The following RPTOR variants were observed in gnomAD, a reference collection of about 807,000 sequenced individuals.
The protein encoded by RPTOR is regulatory associated protein of MTOR complex 1, also known as regulatory-associated protein of mTOR.
A neutral mutation model predicts 169.9 loss-of-function variants in RPTOR; 21 were observed. The observed-to-expected ratio is 0.12, with a 90% confidence interval of 0.09 to 0.18. The LOEUF (loss-of-function observed/expected upper bound fraction) is 0.18, where lower values mean the gene tolerates loss of function less well. RPTOR is among the 10% of genes least tolerant of loss of function. RPTOR has a pLI of 1.00. For synonymous variants in RPTOR, 732 were observed against 753.2 expected (o/e 0.97, Z 0.46); for missense variants, 1,133 against 1,855.9 (o/e 0.61, Z 7.16).
chr17:80,915,823 G>A (rs55915968), intron 21 of RPTOR, among the ~76,000 whole-genome samples: 142 of 95,708 alleles, frequency 1.5e-3, no homozygotes, highest in East Asian at 2.4e-3. Flanking sequence ...AACCAGCTGC[G>A]GAGAGGAGTT....
intron 7 of RPTOR, among the ~76,000 whole-genome samples, chr17:80,816,514 C>T (rs1468320054): frequency 6.6e-6 from 1 of 152,218 alleles, no homozygotes; most frequent in African/African-American, 2.4e-5. Flanking sequence ...AGGGAAGCGC[C>T]TTGTCGTGAG....
Position 80,890,603 on chromosome 17 carries a change from C to T in RPTOR, c.1984-1117C>T, listed in dbSNP as rs1052980880. The stretch of plus-strand genomic sequence containing the variant: ...AGCAGTGAGAGACTTGCAGTTCCAT[C>T]GGCGCAAATCAAGAGGGCGCTGCAG... On this transcript the variant is annotated intron_variant, in intron 17 of 33. Coordinates refer to ENST00000306801, the MANE Select transcript of RPTOR (RefSeq NM_020761.3). Among the ~76,000 whole-genome samples the T allele has an allele frequency of 3.3e-5, 5 of 152,188 alleles. No individual in the cohort carries two copies. The South Asian group carries it at 6.2e-4, about 19-fold the overall frequency.
intron 13 of RPTOR, among the ~76,000 whole-genome samples, chr17:80,867,438 T>TA (rs2068005779): frequency 6.6e-6 from 1 of 152,102 alleles, no homozygotes; most frequent in Admixed American, 6.5e-5. Context: ...TCCACAAACT[T>TA]ACAGCCAACA....
intron 1 of RPTOR, among the ~76,000 whole-genome samples, chr17:80,614,913 A>G (rs1182195364): frequency 6.6e-6 from 1 of 152,112 alleles, no homozygotes; most frequent in Admixed American, 6.5e-5. Context: ...CAGTGTTGCT[A>G]TTTGTTATTT....
rs2067904548 is a variant in RPTOR at position 80,860,364 on chromosome 17, A to C, written c.1509+2464A>C. On this transcript the variant is annotated intron_variant, in intron 13 of 33. Transcript: ENST00000306801. The surrounding 1 kb of genome is among the most constrained non-coding windows in gnomAD (Gnocchi z 5.8). ...CCCGCACTGTGCGCTCTCACCCGTC[A>C]GCCCTGCACACCCCACACAAAGCCA... Among the ~76,000 whole-genome samples, 1 of 152,170 alleles carries C rather than the reference A, an allele frequency of 6.6e-6. No individual in the cohort carries two copies. The highest frequency in any genetic ancestry group is 2.1e-4 in the South Asian group (1 of 4,832).
chr17:80,782,473 A>G (rs1426398933), intron 6 of RPTOR, among the ~76,000 whole-genome samples: 4 of 152,212 alleles, frequency 2.6e-5, no homozygotes, highest in African/African-American at 9.6e-5. Context: ...GAATAAGAAT[A>G]GGTGAGGACC....
chr17:80,650,960 A>G (rs922082179), intron 3 of RPTOR, among the ~76,000 whole-genome samples: 4 of 152,158 alleles, frequency 2.6e-5, no homozygotes, highest in African/African-American at 4.8e-5. Context: ...CCTCTCGAGG[A>G]TATTATCTCT....
chr17:80,859,782 C>T (rs1246567496), intron 13 of RPTOR, among the ~76,000 whole-genome samples: 1 of 152,242 alleles, frequency 6.6e-6, no homozygotes, highest in African/African-American at 2.4e-5. Context: ...GGCGCCCTGT[C>T]AGGCGGCTTT....
At chr17:80,588,973 C>A (rs920219122) in intron 1 of RPTOR, among the ~76,000 whole-genome samples, 6 of 152,128 alleles carry the variant, frequency 3.9e-5, no homozygotes, top group Non-Finnish European at 5.9e-5. Flanking sequence ...TATTTTCCAA[C>A]CTTAAGGTCA....
chr17:80,587,523 G>C (rs1314346102), intron 1 of RPTOR, among the ~76,000 whole-genome samples: 1 of 152,190 alleles, frequency 6.6e-6, no homozygotes, highest in East Asian at 1.9e-4. Flanking sequence ...GAGTGGAATT[G>C]CGTAGTAATC....
chr17:80,864,443 A>C (rs911698602), intron 13 of RPTOR, among the ~76,000 whole-genome samples: 2 of 151,736 alleles, frequency 1.3e-5, no homozygotes, highest in African/African-American at 2.4e-5. Context: ...TTTCTCACAG[A>C]TTTCCTACAG....
intron 9 of RPTOR, among the ~76,000 whole-genome samples, chr17:80,824,078 G>C (rs1357290650): frequency 1.3e-5 from 2 of 152,092 alleles, no homozygotes; most frequent in African/African-American, 4.8e-5. Context: ...CTCAACCCTG[G>C]AAACCCAGAG....
At position 80,730,587 on chromosome 17, in the gene RPTOR, A is replaced by G; in HGVS notation, c.535A>G (p.Ile179Val). The part of the protein sequence containing the change: ...KNYTQYIPLS[I>V]YDLQTWMGSP... ...CTACACGCAGTACATCCCTCTGTCC[A>G]TATATGACCTGCAGACGTGGATGGG... Residue 179 changes from isoleucine to valine, a missense_variant, in exon 5 of 34, where the codon ATA becomes GTA. Physicochemically the swap from Ile to Val is conservative, Grantham distance 29. This residue lies in a region of RPTOR where 74 missense variants were observed against 168.3 expected (regional missense o/e 0.44). Coordinates refer to ENST00000306801, the MANE Select transcript of RPTOR (RefSeq NM_020761.3). The surrounding 1 kb of genome is among the most constrained non-coding windows in gnomAD (Gnocchi z 4.2). 2 of 1,614,158 alleles carry G rather than the reference A, an allele frequency of 1.2e-6. No individual in the cohort carries two copies. Among genetic ancestry groups the G allele is most frequent in the Non-Finnish European group, 1.7e-6 (2 of 1,180,026 alleles).
At chr17:80,582,092 C>A (rs1397606243) in intron 1 of RPTOR, among the ~76,000 whole-genome samples, 2 of 152,194 alleles carry the variant, frequency 1.3e-5, no homozygotes, top group Non-Finnish European at 2.9e-5. Flanking sequence ...TGCCATGGGA[C>A]AAACAGCCTC....
intron 3 of RPTOR, among the ~76,000 whole-genome samples, chr17:80,686,956 T>C (rs1221701888): frequency 6.7e-6 from 1 of 148,560 alleles, no homozygotes; most frequent in Non-Finnish European, 1.5e-5. Context: ...TCAGTTCCAG[T>C]CAGAGCTGAT....
intron 23 of RPTOR, 106 bp from the exon 24 acceptor site, chr17:80,925,264 C>A: frequency 2.2e-6 from 2 of 899,530 alleles, no homozygotes; most frequent in Admixed American, 2.2e-5. Context: ...CAGCCCGGTG[C>A]TCCCGGCAGC....
intron 20 of RPTOR, among the ~76,000 whole-genome samples, chr17:80,896,699 C>T (rs2068410584): frequency 6.6e-6 from 1 of 152,214 alleles, no homozygotes; most frequent in South Asian, 2.1e-4. Flanking sequence ...ATACATTTCA[C>T]AGTCAGGCTT....
rs375298454 is a variant in RPTOR at position 80,966,231 on chromosome 17, G to T, written c.*1901G>T. The T allele has an allele frequency of 8.7e-6, 2 of 231,122 alleles. No individual in the cohort carries two copies. Among genetic ancestry groups the T allele is most frequent in the African/African-American group, 4.4e-5 (2 of 45,196 alleles). The allele number at this position is 231,122 out of a possible 1,614,324, so 14.3% of individuals were successfully genotyped here. ...GAAAATTCAATCACGACGTTAACCG[G>T]CTCGAGAGAGCGCCGGCCTAGAGGC... On this transcript the variant is annotated 3_prime_UTR_variant, in exon 34 of 34. Coordinates refer to ENST00000306801, the MANE Select transcript of RPTOR (RefSeq NM_020761.3).
At chr17:80,842,441 C>T (rs1376906633) in intron 10 of RPTOR, among the ~76,000 whole-genome samples, 1 of 152,150 alleles carries the variant, frequency 6.6e-6, no homozygotes, top group Admixed American at 6.5e-5. Context: ...CTTCACATTT[C>T]TCGGAGTGAT....
Sources: gnomAD v4.1 joint callset for allele counts (sites outside exome capture counted in the v4.1 genomes callset) on GRCh38, gnomAD v4.1.1 for gene constraint, gnomAD v4.1.1 regional missense constraint, Gnocchi (gnomAD v3.1) non-coding constraint, MANE v1.5 for transcripts, NCBI Gene and HGNC (gene_info 2026-07-23, HGNC 2026-07-21) for gene names.